The following AVEN variants were observed in gnomAD, a reference collection of about 807,000 sequenced individuals.
AVEN encodes the protein apoptosis and caspase activation inhibitor.
In AVEN, 41 loss-of-function variants were observed where a neutral mutation model predicts 38.1. The observed-to-expected ratio is 1.08, with a 90% CI of 0.84 to 1.40. The LOEUF (loss-of-function observed/expected upper bound fraction) is 1.40. AVEN is among the 40% of genes most tolerant of loss of function. AVEN has a pLI of 0.00. For synonymous variants in AVEN, 206 were observed against 171.8 expected (o/e 1.20, Z -1.56); for missense variants, 605 against 438.8 (o/e 1.38, Z -3.38).
At chr15:33,980,537 T>C (rs1896090665) in intron 2 of AVEN, among the ~76,000 whole-genome samples, 1 of 152,170 alleles carries the variant, frequency 6.6e-6, no homozygotes, top group African/African-American at 2.4e-5. Context: ...GAATATTAAA[T>C]ATACATGTAT....
At chr15:33,853,469 G>T in the AVEN span, 1 of 1,500,162 alleles carries the variant, frequency 6.7e-7, no homozygotes, top group Non-Finnish European at 9.0e-7. Context: ...TTGCCCATAG[G>T]GCAGCAAAGC....
At chr15:33,987,189 T>C (rs1265624847) in intron 2 of AVEN, among the ~76,000 whole-genome samples, 2 of 152,208 alleles carry the variant, frequency 1.3e-5, no homozygotes, top group Admixed American at 6.5e-5. Flanking sequence ...ATTCTTTCCA[T>C]CCCACTCCAC....
intron 1 of AVEN, among the ~76,000 whole-genome samples, chr15:34,037,442 T>C (rs1899197326): frequency 6.6e-6 from 1 of 151,286 alleles, no homozygotes; most frequent in African/African-American, 2.4e-5. Context: ...TCAGTTAACC[T>C]GTAAAAATAA....
intron 2 of AVEN, among the ~76,000 whole-genome samples, chr15:33,977,185 A>C (rs1214930147): frequency 6.6e-6 from 1 of 152,142 alleles, no homozygotes; most frequent in Non-Finnish European, 1.5e-5. Context: ...AAAAACACAA[A>C]ATATACATTT....
At chr15:33,964,374 C>G (rs1895309663) in intron 2 of AVEN, among the ~76,000 whole-genome samples, 1 of 151,792 alleles carries the variant, frequency 6.6e-6, no homozygotes, top group African/African-American at 2.4e-5. Flanking sequence ...AGGTTAAGGC[C>G]TGAGATGAGT....
chr15:33,852,870 A>G, the AVEN span: 1 of 597,908 alleles, frequency 1.7e-6, no homozygotes, highest in Non-Finnish European at 3.0e-6. Flanking sequence ...GAAGCCATAC[A>G]TGACTCAGTA....
downstream of AVEN, chr15:33,857,671 C>G (rs1176124753): frequency 8.5e-6 from 12 of 1,408,292 alleles, no homozygotes; most frequent in Admixed American, 7.9e-5. Flanking sequence ...CCCATTTCCT[C>G]TCCTTGCCCG....
intron 2 of AVEN, among the ~76,000 whole-genome samples, chr15:33,927,771 C>T (rs569178481): frequency 6.6e-6 from 1 of 152,354 alleles, no homozygotes; most frequent in East Asian, 1.9e-4. Context: ...TCTTTCCATT[C>T]AAACTTCACA....
intron 2 of AVEN, among the ~76,000 whole-genome samples, chr15:33,960,909 G>A (rs1331477465): frequency 6.6e-6 from 1 of 152,212 alleles, no homozygotes; most frequent in East Asian, 1.9e-4. Context: ...GAGGACTAAA[G>A]TACCAATCTT....
At chr15:34,002,249 G>A (rs767094656) in intron 2 of AVEN, among the ~76,000 whole-genome samples, 9 of 152,090 alleles carry the variant, frequency 5.9e-5, no homozygotes, top group South Asian at 2.1e-4. Flanking sequence ...ATCTGCCACC[G>A]CAGTCAAGAT....
chr15:33,896,148 G>A (rs1892224621), intron 2 of AVEN, among the ~76,000 whole-genome samples: 2 of 152,078 alleles, frequency 1.3e-5, no homozygotes, highest in South Asian at 4.2e-4. Flanking sequence ...GTATTTATAG[G>A]AATACAAAAT....
At position 33,867,895 on chromosome 15, in the gene AVEN, C is replaced by T. The variant is rs778376818; in HGVS notation, c.613-40G>A. On this transcript the variant is annotated intron_variant, in intron 4 of 5. Transcript: ENST00000306730. ...TAAAAACTGAGTTAAAAATGTGAGT[C>T]TTGCCATATTGGCTTAAGTAAATAC... 3.9e-6 allele frequency: 6 copies of T among 1,525,840 alleles called. No individual in the cohort carries two copies. The East Asian group carries it at 1.1e-4, about 29-fold the overall frequency. The allele number at this position is 1,525,840 out of a possible 1,614,324, so 94.5% of individuals were successfully genotyped here.
intron 5 of AVEN, among the ~76,000 whole-genome samples, chr15:34,053,750 G>A (rs1453217763): frequency 5.3e-5 from 8 of 152,004 alleles, no homozygotes; most frequent in South Asian, 4.1e-4. Context: ...AGGCAATACC[G>A]TTCAGGACAT....
At chr15:34,059,336 A>G (rs1355344246) in intron 5 of AVEN, among the ~76,000 whole-genome samples, 1 of 152,230 alleles carries the variant, frequency 6.6e-6, no homozygotes, top group Non-Finnish European at 1.5e-5. Context: ...AAGTGGAAAA[A>G]TTAAATCCTT....
chr15:33,860,561 A>G (rs1330151997), intron 11 of AVEN: 7 of 1,405,490 alleles, frequency 5.0e-6, no homozygotes, highest in Non-Finnish European at 4.9e-6. Context: ...GAACCACTAC[A>G]CAGATTGCTT....
intron 1 of AVEN, among the ~76,000 whole-genome samples, chr15:34,004,020 T>C (rs1455143265): frequency 2.0e-5 from 3 of 152,212 alleles, no homozygotes; most frequent in Non-Finnish European, 4.4e-5. Flanking sequence ...CCCTCTCAGG[T>C]ACTCTCTTAG....
intron 1 of AVEN, among the ~76,000 whole-genome samples, chr15:34,005,114 T>C (rs1201043715): frequency 6.6e-6 from 1 of 152,116 alleles, no homozygotes; most frequent in Non-Finnish European, 1.5e-5. Flanking sequence ...TCAGTACACA[T>C]ACTTCCAGAT....
intron 5 of AVEN, among the ~76,000 whole-genome samples, chr15:33,866,989 G>A (rs761090532): frequency 6.6e-5 from 10 of 151,740 alleles, no homozygotes; most frequent in Non-Finnish European, 1.2e-4. Context: ...TATTATTGCA[G>A]CAGTCCTGGA....
intron 5 of AVEN, among the ~76,000 whole-genome samples, chr15:34,053,319 A>ATATATATATATATATAT (rs1555520677): frequency 7.1e-5 from 3 of 42,064 alleles, no homozygotes; most frequent in African/African-American, 2.4e-4. Flanking sequence ...AAAAAAAAAA[A>ATATATATATATATATAT]ATATATATAT....
Sources: gnomAD v4.1 joint callset for allele counts (sites outside exome capture counted in the v4.1 genomes callset) on GRCh38, gnomAD v4.1.1 for gene constraint, MANE v1.5 for transcripts, NCBI Gene and HGNC (gene_info 2026-07-23, HGNC 2026-07-21) for gene names.